DCC: variants seen among roughly 807,000 people sequenced by gnomAD.
The protein encoded by DCC is DCC netrin 1 receptor.
In DCC, 58 loss-of-function variants were observed where a neutral mutation model predicts 172.5. The ratio of observed to expected loss-of-function variants is 0.34; its 90% CI spans 0.27 to 0.42. The LOEUF (loss-of-function observed/expected upper bound fraction) is 0.42, where lower values mean the gene tolerates loss of function less well. Among genes scored for constraint, DCC ranks in the 10% least tolerant of loss-of-function variants. DCC has a pLI of 1.00. For missense variants in DCC, 1,740 were observed against 1,791.0 expected, an observed-to-expected ratio of 0.97 and a Z score of 0.51; for synonymous variants, 709 against 644.5, an observed-to-expected ratio of 1.10 and a Z score of -1.52.
chr18:53,008,248 A>T (rs898167310), intron 5 of DCC, among the ~76,000 whole-genome samples: 4 of 152,088 alleles, frequency 2.6e-5, no homozygotes, highest in African/African-American at 9.7e-5. Context: ...TATTGATAGC[A>T]CTTTGCTCAG....
intron 26 of DCC, among the ~76,000 whole-genome samples, chr18:53,495,348 A>G (rs2339742): frequency 0.1 from 15,119 of 148,662 alleles, 2,381 homozygotes; most frequent in African/African-American, 0.34. Context: ...CCAAGATCGC[A>G]CACTGCATTC....
At chr18:52,492,116 T>C (rs1320353485) in intron 1 of DCC, among the ~76,000 whole-genome samples, 1 of 151,986 alleles carries the variant, frequency 6.6e-6, no homozygotes, top group Admixed American at 6.6e-5. Context: ...GAGAGGGTGG[T>C]GAAATATATA....
At chr18:52,682,381 A>G (rs1293387024) in intron 1 of DCC, among the ~76,000 whole-genome samples, 1 of 152,052 alleles carries the variant, frequency 6.6e-6, no homozygotes, top group Non-Finnish European at 1.5e-5. Flanking sequence ...AACAAGCAAT[A>G]CTTAGAGAAG....
At chr18:53,050,570 C>T (rs905093211) in intron 5 of DCC, among the ~76,000 whole-genome samples, 1 of 152,002 alleles carries the variant, frequency 6.6e-6, no homozygotes, top group African/African-American at 2.4e-5. Context: ...ATTTGACTCT[C>T]GGCCTGGATG....
At chr18:52,992,243 T>A (rs1206194633) in intron 5 of DCC, among the ~76,000 whole-genome samples, 2 of 152,196 alleles carry the variant, frequency 1.3e-5, no homozygotes, top group Non-Finnish European at 2.9e-5. Context: ...AGTATAGGGC[T>A]GAATGCACAG....
intron 7 of DCC, among the ~76,000 whole-genome samples, chr18:53,071,124 TACAG>T (rs1238519798): frequency 6.6e-6 from 1 of 152,202 alleles, no homozygotes; most frequent in African/African-American, 2.4e-5. Flanking sequence ...CTCGCTGGAG[TACAG>T]ACAATGACCT....
chr18:53,065,895 T>C (rs1174714636), intron 6 of DCC, 151 bp from the exon 7 acceptor site: 5 of 849,384 alleles, frequency 5.9e-6, no homozygotes, highest in South Asian at 2.9e-5. Flanking sequence ...CCAGGTGGCA[T>C]AGGACACGTC....
chr18:53,120,748 G>A (rs1389078678), intron 7 of DCC, among the ~76,000 whole-genome samples: 1 of 151,694 alleles, frequency 6.6e-6, no homozygotes, highest in Non-Finnish European at 1.5e-5. Context: ...TGTTAAAATT[G>A]AAATCAGAGT....
chr18:52,470,025 A>G (rs1276093614), intron 1 of DCC, among the ~76,000 whole-genome samples: 1 of 152,262 alleles, frequency 6.6e-6, no homozygotes, highest in Non-Finnish European at 1.5e-5. Context: ...GAGAGAAAAC[A>G]CATGGGATTT....
chr18:52,464,008 A>G (rs536222026), intron 1 of DCC, among the ~76,000 whole-genome samples: 9 of 152,278 alleles, frequency 5.9e-5, no homozygotes, highest in Admixed American at 3.9e-4. Context: ...GGTCCTCTTC[A>G]GCCTCATACC....
At chr18:52,385,906 A>G (rs1985779875) in intron 1 of DCC, among the ~76,000 whole-genome samples, 2 of 152,068 alleles carry the variant, frequency 1.3e-5, no homozygotes, top group African/African-American at 4.8e-5. Flanking sequence ...ATAGCCATCT[A>G]ATTAGTAGAA....
intron 12 of DCC, among the ~76,000 whole-genome samples, chr18:53,228,420 CT>C (rs1274335572): frequency 3.9e-5 from 6 of 152,034 alleles, no homozygotes; most frequent in African/African-American, 1.4e-4. Context: ...TGAATATATG[CT>C]GTGTAGGAGT....
At chr18:52,688,952 G>A (rs939512591) in intron 1 of DCC, among the ~76,000 whole-genome samples, 4 of 152,156 alleles carry the variant, frequency 2.6e-5, no homozygotes, top group South Asian at 2.1e-4. Context: ...TTAAGGCATT[G>A]TGCATTTATT....
chr18:53,501,175 T>C (rs943497618), intron 27 of DCC, among the ~76,000 whole-genome samples: 6 of 152,222 alleles, frequency 3.9e-5, no homozygotes, highest in Admixed American at 6.5e-5. Flanking sequence ...TTAATGAATC[T>C]TTAATGCACC....
In DCC at chr18:53,069,522, T is replaced by A. The variant is rs909262366; in HGVS notation, c.1261+3356T>A. On this transcript the variant is annotated intron_variant, in intron 7 of 28. Transcript: ENST00000442544. ...AGCTGAGCTAGGAGGGTGGCGCAGG[T>A]CAGCCAGAGAGTGCTTTGCCAACTC... Among the ~76,000 whole-genome samples, 3 of 151,810 alleles carry A rather than the reference T, an allele frequency of 2.0e-5. No homozygotes were observed. The East Asian group carries it at 5.8e-4, about 30-fold the overall frequency.
At chr18:52,447,082 G>T (rs997342441) in intron 1 of DCC, among the ~76,000 whole-genome samples, 1 of 152,148 alleles carries the variant, frequency 6.6e-6, no homozygotes, top group Non-Finnish European at 1.5e-5. Flanking sequence ...AGACATCAAA[G>T]ACTTTAGTCC....
chr18:52,594,550 T>C (rs1006448987), intron 1 of DCC, among the ~76,000 whole-genome samples: 1 of 152,188 alleles, frequency 6.6e-6, no homozygotes, highest in South Asian at 2.1e-4. Flanking sequence ...CAACAACCTA[T>C]ATTACATGTG....
chr18:53,116,409 A>G (rs1568314199), intron 7 of DCC, among the ~76,000 whole-genome samples: 1 of 151,704 alleles, frequency 6.6e-6, no homozygotes, highest in Admixed American at 6.6e-5. Context: ...CCTGCGCCCT[A>G]TGGAGAGGAT....
At chr18:52,670,933 C>T (rs1457428768) in intron 1 of DCC, among the ~76,000 whole-genome samples, 1 of 152,118 alleles carries the variant, frequency 6.6e-6, no homozygotes, top group Non-Finnish European at 1.5e-5. Context: ...TCTATTTTGA[C>T]TCTCTATGTA....
Sources: allele counts gnomAD v4.1 joint callset (sites outside exome capture counted in the v4.1 genomes callset), GRCh38; gene constraint gnomAD v4.1.1; transcripts MANE v1.5; gene names NCBI Gene and HGNC (gene_info 2026-07-23, HGNC 2026-07-21).